The following CLSTN2 variants were observed in gnomAD, a reference collection of about 807,000 sequenced individuals.
CLSTN2 encodes the protein calsyntenin 2.
A neutral mutation model predicts 101.2 loss-of-function variants in CLSTN2; 48 were observed. That is an observed-to-expected ratio of 0.47 (90% CI 0.38 to 0.60). The LOEUF (loss-of-function observed/expected upper bound fraction) is 0.60, where lower values mean the gene tolerates loss of function less well. Among genes scored for constraint, CLSTN2 ranks in the 20% least tolerant of loss-of-function variants. CLSTN2 has a pLI of 0.00. For synonymous variants in CLSTN2, 481 were observed against 463.6 expected, an observed-to-expected ratio of 1.04 and a Z score of -0.48; for missense variants, 1,160 against 1,238.2, an observed-to-expected ratio of 0.94 and a Z score of 0.95.
At chr3:140,400,307 G>T (rs376240416) in intron 2 of CLSTN2, among the ~76,000 whole-genome samples, 1 of 152,126 alleles carries the variant, frequency 6.6e-6, no homozygotes, top group African/African-American at 2.4e-5. Context: ...GCAGCAAGAC[G>T]TGGTGGACAT....
intron 8 of CLSTN2, among the ~76,000 whole-genome samples, chr3:140,481,258 G>C (rs1934110554): frequency 6.6e-6 from 1 of 152,136 alleles, no homozygotes; most frequent in Non-Finnish European, 1.5e-5. Flanking sequence ...GATAGTTGTA[G>C]ATACGTGGCA....
chr3:140,556,759 G>A, intron 11 of CLSTN2, 98 bp downstream of exon 11: 5 of 1,241,786 alleles, frequency 4.0e-6, no homozygotes, highest in Non-Finnish European at 4.5e-6. Flanking sequence ...AACAGGAGTT[G>A]CCTTTCGTCA....
chr3:140,335,213 G>T (rs1559841971), intron 2 of CLSTN2, among the ~76,000 whole-genome samples: 1 of 152,208 alleles, frequency 6.6e-6, no homozygotes, highest in Non-Finnish European at 1.5e-5. Context: ...GCATGGGATG[G>T]GCAGCCTGCC....
At chr3:140,409,497 C>T (rs1482010747) in intron 4 of CLSTN2, among the ~76,000 whole-genome samples, 1 of 152,194 alleles carries the variant, frequency 6.6e-6, no homozygotes, top group Non-Finnish European at 1.5e-5. Context: ...AAGCATAGTG[C>T]CACAGTGCTC....
At chr3:140,404,793 G>T in intron 4 of CLSTN2, 27 bp downstream of exon 4, 1 of 1,597,460 alleles carries the variant, frequency 6.3e-7, no homozygotes, top group Non-Finnish European at 8.6e-7. Context: ...GACCCCTGTG[G>T]GGTCAGGAAA....
intron 8 of CLSTN2, among the ~76,000 whole-genome samples, chr3:140,529,784 G>A (rs552962900): frequency 1.3e-5 from 2 of 152,286 alleles, no homozygotes; most frequent in African/African-American, 2.4e-5. Flanking sequence ...TTTGACTCTT[G>A]GCTGAGGCTG....
At chr3:140,155,742 T>A (rs2107816700) in intron 1 of CLSTN2, among the ~76,000 whole-genome samples, 1 of 152,310 alleles carries the variant, frequency 6.6e-6, no homozygotes, top group Non-Finnish European at 1.5e-5. Flanking sequence ...ACACACTTGC[T>A]TGCTGAGTGA....
chr3:140,537,684 T>C (rs914705442), intron 9 of CLSTN2, among the ~76,000 whole-genome samples: 13 of 152,340 alleles, frequency 8.5e-5, no homozygotes, highest in Middle Eastern at 3.4e-3. Context: ...TCTCTCTGGG[T>C]CACAACGTAA....
chr3:140,551,451 G>A (rs1242768469), intron 10 of CLSTN2, among the ~76,000 whole-genome samples: 2 of 151,760 alleles, frequency 1.3e-5, no homozygotes, highest in Admixed American at 6.6e-5. Flanking sequence ...CCACATTCCT[G>A]AGTAATACCC....
Position 140,541,844 on chromosome 3 carries a change from C to T in CLSTN2, c.1508-4671C>T, listed in dbSNP as rs73231266. Among the ~76,000 whole-genome samples, 1,483 of 152,228 alleles carry T rather than the reference C, an allele frequency of 9.7e-3. 14 individuals are homozygous for T. Among genetic ancestry groups the T allele is most frequent in the Middle Eastern group, 0.02 (6 of 294 alleles). ...TTTTTCCCCCAAAGGCTGATCTATA[C>T]GCAGACCTCCTCCACCCTCCTCATG... On this transcript the variant is annotated intron_variant, in intron 9 of 16. Transcript: ENST00000458420.
intron 9 of CLSTN2, among the ~76,000 whole-genome samples, chr3:140,537,662 A>G (rs966479390): frequency 1.1e-4 from 16 of 152,204 alleles, no homozygotes; most frequent in African/African-American, 3.9e-4. Context: ...GACAAATACC[A>G]GGTTCTTTAT....
At chr3:140,013,312 G>A (rs546622402) in intron 1 of CLSTN2, among the ~76,000 whole-genome samples, 1 of 152,352 alleles carries the variant, frequency 6.6e-6, no homozygotes, top group South Asian at 2.1e-4. Flanking sequence ...TGGAGCCTAG[G>A]GCTGGGGGTG....
At chr3:140,021,503 C>T (rs1472110624) in intron 1 of CLSTN2, among the ~76,000 whole-genome samples, 1 of 152,056 alleles carries the variant, frequency 6.6e-6, no homozygotes, top group Non-Finnish European at 1.5e-5. Context: ...TAGAAACTTC[C>T]CCTGTCAGAG....
chr3:140,355,025 C>T (rs2087653482), intron 2 of CLSTN2, among the ~76,000 whole-genome samples: 1 of 152,168 alleles, frequency 6.6e-6, no homozygotes, highest in Admixed American at 6.5e-5. Context: ...AGACCTGGTC[C>T]CATCCTTATG....
chr3:139,985,668 G>A (rs1936011025), intron 1 of CLSTN2, among the ~76,000 whole-genome samples: 1 of 152,118 alleles, frequency 6.6e-6, no homozygotes, highest in Non-Finnish European at 1.5e-5. Flanking sequence ...AGGCTTATTT[G>A]AAACAGAGAC....
At chr3:140,343,476 A>T (rs1483473477) in intron 2 of CLSTN2, among the ~76,000 whole-genome samples, 1 of 152,214 alleles carries the variant, frequency 6.6e-6, no homozygotes, top group East Asian at 1.9e-4. Context: ...GATTGCACGT[A>T]AGTCTGTACT....
intron 1 of CLSTN2, among the ~76,000 whole-genome samples, chr3:140,130,684 G>C (rs1163586677): frequency 6.6e-6 from 1 of 152,138 alleles, no homozygotes; most frequent in East Asian, 1.9e-4. Context: ...AGAAGCACAG[G>C]GGACTTGGAG....
At chr3:140,363,318 G>T (rs1272213972) in intron 2 of CLSTN2, among the ~76,000 whole-genome samples, 4 of 152,162 alleles carry the variant, frequency 2.6e-5, no homozygotes, top group African/African-American at 4.8e-5. Flanking sequence ...TCAGGTGGCT[G>T]CCTGGAACTA....
At chr3:140,499,790 C>A (rs1013903830) in intron 8 of CLSTN2, among the ~76,000 whole-genome samples, 3 of 152,090 alleles carry the variant, frequency 2.0e-5, no homozygotes, top group African/African-American at 7.2e-5. Context: ...TCTGGCTGGG[C>A]GCGGTGGCTC....
Sources: allele counts gnomAD v4.1 joint callset (sites outside exome capture counted in the v4.1 genomes callset), GRCh38; gene constraint gnomAD v4.1.1; transcripts MANE v1.5; gene names NCBI Gene and HGNC (gene_info 2026-07-23, HGNC 2026-07-21).